Variants in ABHD18 observed in about 807,000 individuals in gnomAD.
The protein encoded by ABHD18 is abhydrolase domain containing 18.
A neutral mutation model predicts 65.9 loss-of-function variants in ABHD18; 55 were observed. That is an observed-to-expected ratio of 0.84 (90% CI 0.67 to 1.05). ABHD18 has a LOEUF of 1.05. Among genes scored for constraint, ABHD18 ranks in the 50% least tolerant of loss-of-function variants. The pLI is 0.00. For missense variants in ABHD18, 533 were observed against 558.5 expected (o/e 0.95, Z 0.46); for synonymous variants, 181 against 180.2 (o/e 1.00, Z -0.04).
intron 4 of ABHD18, among the ~76,000 whole-genome samples, chr4:127,996,227 C>T (rs1751709627): frequency 6.6e-6 from 1 of 152,164 alleles, no homozygotes; most frequent in South Asian, 2.1e-4. Context: ...ACATAGTATT[C>T]ACTCACCTTT....
chr4:127,982,863 G>T, intron 1 of ABHD18, 76 bp from the exon 2 acceptor site: 1 of 705,888 alleles, frequency 1.4e-6, no homozygotes. Flanking sequence ...GATAGTCAAA[G>T]AAATGGTTAG....
At chr4:127,973,084 G>A (rs978674362) in intron 1 of ABHD18, among the ~76,000 whole-genome samples, 1 of 151,996 alleles carries the variant, frequency 6.6e-6, no homozygotes, top group Non-Finnish European at 1.5e-5. Context: ...TGTGATCCTG[G>A]CTCACTGCAT....
At chr4:127,966,524 T>A (rs1450232563) in intron 1 of ABHD18, among the ~76,000 whole-genome samples, 1 of 151,872 alleles carries the variant, frequency 6.6e-6, no homozygotes, top group Non-Finnish European at 1.5e-5. Context: ...TGTGACCTTG[T>A]GTGTATCAGC....
intron 4 of ABHD18, among the ~76,000 whole-genome samples, chr4:127,997,835 T>A (rs1751991110): frequency 6.6e-6 from 1 of 152,060 alleles, no homozygotes; most frequent in Non-Finnish European, 1.5e-5. Context: ...TCTTTCTTCA[T>A]CTCCTCCTTC....
At position 128,030,603 on chromosome 4, in the gene ABHD18, C is replaced by G; in HGVS notation, c.1274C>G (p.Pro425Arg). The change falls in exon 12 of 13, where the codon CCT becomes CGT. Residue 425 changes from proline (P) to arginine (R), a missense_variant. By Grantham distance (103) the Pro-to-Arg change is moderately radical (BLOSUM62 -2). Coordinates refer to ENST00000645843, the MANE Select transcript of ABHD18 (RefSeq NM_001358451.3). ...GTTCGAAGTTTACAAGAAATTTGGC[C>G]TGGTTGTGAAATCCGATACTTAGAA... ...TGVRSLQEIW[P>R]GCEIRYLEGG... The G allele has an allele frequency of 6.2e-7, 1 of 1,607,722 alleles. No homozygotes were observed. Among genetic ancestry groups the G allele is most frequent in the South Asian group, 1.1e-5 (1 of 89,482 alleles).
rs1312990487 is a variant in ABHD18 at position 128,037,634 on chromosome 4, G to A, written c.*1821G>A. On this transcript the variant is annotated 3_prime_UTR_variant, in exon 13 of 13. Transcript: ENST00000645843. ...ATTATAGGTTTGAGCCACCACACCCGACCTGACATTTTATTTTTATTTTTT... is the reference window on the plus strand; with the variant it reads ...ATTATAGGTTTGAGCCACCACACCCAACCTGACATTTTATTTTTATTTTTT... 1.3e-5 allele frequency: 2 copies of A among 151,962 alleles called. No individual in the cohort carries two copies. Among genetic ancestry groups the A allele is most frequent in the Non-Finnish European group, 2.9e-5 (2 of 67,986 alleles). 9.4% of individuals were successfully genotyped at this position (151,962 alleles called of 1,614,324 possible). A position where few individuals can be genotyped will look rare whatever the true frequency, so the allele number is the denominator to read the frequency against.
intron 1 of ABHD18, among the ~76,000 whole-genome samples, chr4:127,975,895 G>A (rs556533053): frequency 6.6e-6 from 1 of 151,882 alleles, no homozygotes; most frequent in East Asian, 1.9e-4. Context: ...GTACAGTCTC[G>A]GCTCACTGCA....
chr4:127,974,038 A>C (rs1330580910), intron 1 of ABHD18, among the ~76,000 whole-genome samples: 1 of 151,988 alleles, frequency 6.6e-6, no homozygotes, highest in Non-Finnish European at 1.5e-5. Flanking sequence ...GATAATCCTC[A>C]AGGAAAAGGG....
chr4:128,015,915 G>A (rs1192570347), intron 7 of ABHD18, among the ~76,000 whole-genome samples: 2 of 150,896 alleles, frequency 1.3e-5, no homozygotes, highest in Non-Finnish European at 2.9e-5. Context: ...ACTATATACG[G>A]ATGGTTCTAG....
chr4:128,001,697 G>A, intron 4 of ABHD18: 1 of 1,542,316 alleles, frequency 6.5e-7, no homozygotes, highest in Non-Finnish European at 8.7e-7. Flanking sequence ...GTTTTGGTGT[G>A]TTCTTTTCTG....
At chr4:127,990,673 G>T (rs1167780753) in intron 4 of ABHD18, among the ~76,000 whole-genome samples, 1 of 152,118 alleles carries the variant, frequency 6.6e-6, no homozygotes. Flanking sequence ...TGGTAACTTA[G>T]ACTAGACAGA....
intron 10 of ABHD18, among the ~76,000 whole-genome samples, chr4:128,022,690 G>T (rs1415552846): frequency 1.3e-5 from 2 of 151,304 alleles, no homozygotes; most frequent in Non-Finnish European, 2.9e-5. Flanking sequence ...GTAAATGCTT[G>T]ATTTTTTTTC....
intron 7 of ABHD18, among the ~76,000 whole-genome samples, chr4:128,013,676 C>G (rs113908280): frequency 3.9e-4 from 58 of 150,206 alleles, no homozygotes; most frequent in African/African-American, 1.4e-3. Context: ...CCAGCCCGGG[C>G]GACAGAGCGA....
Position 128,035,836 on chromosome 4 carries a change from T to G in ABHD18, c.*23T>G, listed in dbSNP as rs1421032962. The G allele has an allele frequency of 6.7e-7, 1 of 1,481,828 alleles. No homozygotes were observed. The highest frequency in any genetic ancestry group is 1.3e-5 in the South Asian group (1 of 78,572). 91.8% of individuals were successfully genotyped at this position (1,481,828 alleles called of 1,614,324 possible). A position where few individuals can be genotyped will look rare whatever the true frequency, so the allele number is the denominator to read the frequency against. ...TAGTTGGATTATTATATGTAACCAG[T>G]GTGGCCATGATGTTTCTTACAAAAG... is the stretch of plus-strand genomic sequence containing the variant. On this transcript the variant is annotated 3_prime_UTR_variant, in exon 13 of 13. Transcript: ENST00000645843.
chr4:128,009,038 G>T lies in ABHD18; in HGVS notation c.357+40G>T, dbSNP rs553379780. 17 of 1,588,644 alleles carry T rather than the reference G, an allele frequency of 1.1e-5. No individual in the cohort carries two copies. In the South Asian group the frequency reaches 2.0e-4, roughly 19 times the overall value. Reference sequence around the variant, plus strand: ...TAATGCCTTAATCTCTAGATAATTTGTTAACATATTCTCCTTAACAGAAGT... The same window carrying T: ...TAATGCCTTAATCTCTAGATAATTTTTTAACATATTCTCCTTAACAGAAGT... On this transcript the variant is annotated intron_variant, in intron 5 of 12. Transcript: ENST00000645843.
intron 4 of ABHD18, among the ~76,000 whole-genome samples, chr4:128,006,903 A>G (rs1753689864): frequency 6.6e-6 from 1 of 152,150 alleles, no homozygotes; most frequent in Non-Finnish European, 1.5e-5. Flanking sequence ...GGGGCAACAT[A>G]AGGAGACTGT....
At position 128,020,062 on chromosome 4, in the gene ABHD18, C is replaced by G. The variant is rs1331723152; in HGVS notation, c.610-18C>G. 2 of 1,554,068 alleles carry G rather than the reference C, an allele frequency of 1.3e-6. No homozygotes were observed. Among genetic ancestry groups the G allele is most frequent in the African/African-American group, 1.4e-5 (1 of 73,720 alleles). ...AATAGAAACTCTAAATAGACGCTCT[C>G]TATCTGTTATATTACAGATGGCTTC... On this transcript the variant is annotated intron_variant, in intron 8 of 12. Transcript: ENST00000645843.
At chr4:128,002,389 C>T (rs1223822588) in intron 4 of ABHD18, among the ~76,000 whole-genome samples, 2 of 151,322 alleles carry the variant, frequency 1.3e-5, no homozygotes, top group African/African-American at 4.9e-5. Flanking sequence ...AAGTGATTCT[C>T]CTGCCTCAGT....
chr4:128,022,546 A>G (rs1241025300), intron 10 of ABHD18, among the ~76,000 whole-genome samples: 6 of 152,138 alleles, frequency 3.9e-5, no homozygotes, highest in Non-Finnish European at 8.8e-5. Flanking sequence ...CTTAATGACT[A>G]TATCAATTCA....
Sources: allele counts gnomAD v4.1 joint callset (sites outside exome capture counted in the v4.1 genomes callset), GRCh38; gene constraint gnomAD v4.1.1; transcripts MANE v1.5; gene names NCBI Gene and HGNC (gene_info 2026-07-23, HGNC 2026-07-21).